Variants in CHD9NB observed in about 807,000 individuals in gnomAD.
CHD9NB encodes CHD9 neighbor, also known as CHD9 neighbor protein.
At chr16:53,042,486 C>A in the CHD9NB span, among the ~76,000 whole-genome samples, 1 of 149,966 alleles carries the variant, frequency 6.7e-6, no homozygotes, top group African/African-American at 2.5e-5. Context: ...CTACCTCTTT[C>A]CTCTTTCTCT....
At chr16:53,045,019 C>T in the CHD9NB span, among the ~76,000 whole-genome samples, 1 of 152,020 alleles carries the variant, frequency 6.6e-6, no homozygotes, top group East Asian at 1.9e-4. Flanking sequence ...TCACTGCAGC[C>T]TCAACCTAGG....
chr16:53,047,034 T>C, the CHD9NB span, among the ~76,000 whole-genome samples: 2 of 152,326 alleles, frequency 1.3e-5, no homozygotes, highest in South Asian at 4.1e-4. Flanking sequence ...AAATGAGGTA[T>C]GGGCAACCCA....
At chr16:53,050,950 C>T in the CHD9NB span, among the ~76,000 whole-genome samples, 1 of 151,380 alleles carries the variant, frequency 6.6e-6, no homozygotes, top group Non-Finnish European at 1.5e-5. Context: ...TGCAGTCGTG[C>T]GATCTTGGCT....
chr16:53,044,228 T>C, the CHD9NB span: 1 of 398,348 alleles, frequency 2.5e-6, no homozygotes, highest in Non-Finnish European at 4.4e-6. Flanking sequence ...CCTTCCTCCT[T>C]GGGGGCCAGC....
chr16:53,042,239 T>C, the CHD9NB span, among the ~76,000 whole-genome samples: 8 of 147,786 alleles, frequency 5.4e-5, no homozygotes, highest in Non-Finnish European at 8.9e-5. Flanking sequence ...CCTCTCCCCA[T>C]TTTTCTCTTC....
the CHD9NB span, among the ~76,000 whole-genome samples, chr16:53,042,080 C>G: frequency 6.6e-6 from 1 of 152,166 alleles, no homozygotes; most frequent in Non-Finnish European, 1.5e-5. Flanking sequence ...CCTTATTGCT[C>G]AAAAGAATCT....
At chr16:53,043,681 G>A in the CHD9NB span, 43 of 204,274 alleles carry the variant, frequency 2.1e-4, no homozygotes, top group African/African-American at 7.8e-4. Flanking sequence ...CTTGGCAGCC[G>A]ATATTCACTG....
the CHD9NB span, among the ~76,000 whole-genome samples, chr16:53,041,313 A>G: frequency 6.6e-6 from 1 of 152,254 alleles, no homozygotes; most frequent in Non-Finnish European, 1.5e-5. Flanking sequence ...TCGAACCTCA[A>G]AGGGAGACAG....
At chr16:53,037,609 A>G in the CHD9NB span, among the ~76,000 whole-genome samples, 2 of 152,212 alleles carry the variant, frequency 1.3e-5, no homozygotes, top group Non-Finnish European at 2.9e-5. Context: ...AAACTCCCCC[A>G]GAGTGGGGTT....
At chr16:53,039,660 G>A in the CHD9NB span, among the ~76,000 whole-genome samples, 3 of 151,876 alleles carry the variant, frequency 2.0e-5, no homozygotes, top group South Asian at 2.1e-4. Flanking sequence ...CAGAAGAATC[G>A]CTTGAACCTG....
chr16:53,040,242 T>A, the CHD9NB span, among the ~76,000 whole-genome samples: 3 of 151,888 alleles, frequency 2.0e-5, no homozygotes, highest in Non-Finnish European at 2.9e-5. Flanking sequence ...GGTAATTTTT[T>A]TTTTTGTATT....
At chr16:53,047,522 A>G in the CHD9NB span, among the ~76,000 whole-genome samples, 1 of 152,290 alleles carries the variant, frequency 6.6e-6, no homozygotes, top group South Asian at 2.1e-4. Flanking sequence ...CTGTGTCCTC[A>G]CATGGCCTTT....
the CHD9NB span, among the ~76,000 whole-genome samples, chr16:53,049,577 A>T: frequency 6.6e-6 from 1 of 152,304 alleles, no homozygotes; most frequent in Non-Finnish European, 1.5e-5. Context: ...TTAATATGGA[A>T]GATGTCACAC....
chr16:53,043,527 C>A, the CHD9NB span: 1 of 152,548 alleles, frequency 6.6e-6, no homozygotes, highest in African/African-American at 2.4e-5. Flanking sequence ...ACATTGCTGT[C>A]AGGGGTGTTG....
At chr16:53,038,494 G>A in the CHD9NB span, among the ~76,000 whole-genome samples, 1 of 136,258 alleles carries the variant, frequency 7.3e-6, no homozygotes, top group East Asian at 2.2e-4. Flanking sequence ...GGAATTACAG[G>A]CACGTGCCAC....
chr16:53,036,548 C>T, the CHD9NB span, among the ~76,000 whole-genome samples: 349 of 152,248 alleles, frequency 2.3e-3, 1 homozygote, highest in Non-Finnish European at 3.4e-3. Context: ...TCTACTGTAC[C>T]TGAGGAATGC....
At chr16:53,045,586 C>T in the CHD9NB span, among the ~76,000 whole-genome samples, 1 of 152,180 alleles carries the variant, frequency 6.6e-6, no homozygotes, top group Non-Finnish European at 1.5e-5. Context: ...TCACGCAGGA[C>T]TGTGAAGTGG....
chr16:53,044,917 C>T, the CHD9NB span, among the ~76,000 whole-genome samples: 1 of 152,078 alleles, frequency 6.6e-6, no homozygotes, highest in Non-Finnish European at 1.5e-5. Context: ...CTTCCAACCT[C>T]TTATATTTTA....
the CHD9NB span, among the ~76,000 whole-genome samples, chr16:53,051,576 A>G: frequency 7.3e-6 from 1 of 136,778 alleles, no homozygotes; most frequent in Non-Finnish European, 1.5e-5. Flanking sequence ...CAATGAGAAC[A>G]CTTGGACACA....
Sources: gnomAD v4.1 joint callset for allele counts (sites outside exome capture counted in the v4.1 genomes callset) on GRCh38, gnomAD v4.1.1 for gene constraint, MANE v1.5 for transcripts, NCBI Gene and HGNC (gene_info 2026-07-23, HGNC 2026-07-21) for gene names.